ASMTL: variants seen among roughly 807,000 people sequenced by gnomAD.
ASMTL encodes acetylserotonin O-methyltransferase like.
In ASMTL, 57 loss-of-function variants were observed where a neutral mutation model predicts 60.3. The observed-to-expected ratio is 0.95, with a 90% CI of 0.76 to 1.18. ASMTL has a LOEUF of 1.18. ASMTL is among the 50% of genes most tolerant of loss of function. ASMTL has a pLI of 0.00. For missense variants in ASMTL, 981 were observed against 852.6 expected (o/e 1.15, Z -1.88); for synonymous variants, 419 against 373.0 (o/e 1.12, Z -1.42).
At chrX:1,413,069 G>A (rs5949007) in intron 11 of ASMTL, 11 of 585,218 alleles carry the variant, frequency 1.9e-5, no homozygotes, top group Non-Finnish European at 3.1e-5. Flanking sequence ...GGTTTGACTC[G>A]GGCTGAGAAA....
chrX:1,440,370 G>A (rs1263184769), intron 2 of ASMTL, among the ~76,000 whole-genome samples: 2 of 152,048 alleles, frequency 1.3e-5, no homozygotes, highest in South Asian at 2.1e-4. Context: ...GATGACAGGT[G>A]TGAGCCACTG....
At chrX:1,438,977 T>G (rs2091041910) in intron 3 of ASMTL, 120 bp downstream of exon 3, 1 of 1,128,222 alleles carries the variant, frequency 8.9e-7, no homozygotes, top group Non-Finnish European at 1.3e-6. Context: ...TGATGGGAGT[T>G]TCTGGAAGCG....
At position 1,421,733 on chromosome X, in the gene ASMTL, G is replaced by T. The variant is rs1385308996; in HGVS notation, c.1170C>A (p.Tyr390Ter). ...NNDLTWNLFT[Y>*]LEFAIREGTN... ...TTCCCTCTCGGATGGCAAACTCCAG[G>T]TATGTAAAGAGGTTCCATGTGAGGT... Residue 390 changes from tyrosine to a stop codon, truncating the protein, a stop_gained, in exon 9 of 13, where the codon TAC (tyrosine) becomes TAA (stop). Coordinates refer to ENST00000381317, the MANE Select transcript of ASMTL (RefSeq NM_004192.4). LOFTEE classifies it high-confidence loss of function. 2.5e-6 allele frequency: 4 copies of T among 1,613,814 alleles called. No homozygotes were observed. Among genetic ancestry groups the T allele is most frequent in the Non-Finnish European group, 3.4e-6 (4 of 1,179,856 alleles).
upstream of ASMTL, among the ~76,000 whole-genome samples, chrX:1,453,345 C>T (rs2091443275): frequency 6.6e-6 from 1 of 151,818 alleles, no homozygotes; most frequent in African/African-American, 2.4e-5. Flanking sequence ...ACACCCCCGC[C>T]CGCCTCCCCC....
At chrX:1,429,230 T>C (rs1282408494) in intron 6 of ASMTL, among the ~76,000 whole-genome samples, 4 of 151,964 alleles carry the variant, frequency 2.6e-5, no homozygotes, top group African/African-American at 9.6e-5. Context: ...ATTTTTTTTT[T>C]TCAAGACAGG....
chrX:1,403,555 G>C (rs2089675314), intron 12 of ASMTL, 66 bp from the exon 13 acceptor site: 1 of 1,462,376 alleles, frequency 6.8e-7, no homozygotes, highest in South Asian at 1.1e-5. Flanking sequence ...CAGGACACAG[G>C]GGACACAGCA....
chrX:1,445,300 G>A (rs769922752), intron 1 of ASMTL, among the ~76,000 whole-genome samples: 1 of 152,132 alleles, frequency 6.6e-6, no homozygotes, highest in East Asian at 1.9e-4. Flanking sequence ...AGACACTCTC[G>A]GCTTCCTTTT....
intron 11 of ASMTL, among the ~76,000 whole-genome samples, chrX:1,414,429 G>A (rs2090159189): frequency 6.6e-6 from 1 of 152,140 alleles, no homozygotes; most frequent in Non-Finnish European, 1.5e-5. Flanking sequence ...TTAAACTTTA[G>A]CATTTCCGGC....
chrX:1,407,595 G>A (rs1417512664), intron 12 of ASMTL, among the ~76,000 whole-genome samples: 2 of 152,006 alleles, frequency 1.3e-5, no homozygotes, highest in Non-Finnish European at 2.9e-5. Context: ...ACGGAGCATT[G>A]TTAGAAGGCC....
intron 11 of ASMTL, among the ~76,000 whole-genome samples, chrX:1,413,567 TAAA>T (rs1395793243): frequency 6.6e-6 from 1 of 152,144 alleles, no homozygotes; most frequent in Non-Finnish European, 1.5e-5. Flanking sequence ...ATTGCTGAAA[TAAA>T]AAGATGGTCT....
intron 10 of ASMTL, among the ~76,000 whole-genome samples, chrX:1,418,670 G>A (rs1221569398): frequency 6.6e-6 from 1 of 152,150 alleles, no homozygotes; most frequent in Non-Finnish European, 1.5e-5. Flanking sequence ...GTCCAGGGCT[G>A]GGGTGGGGTG....
intron 10 of ASMTL, 140 bp from the exon 11 acceptor site, chrX:1,418,256 A>T: frequency 1.1e-6 from 1 of 944,536 alleles, no homozygotes. Context: ...AGTGGTGGGG[A>T]GCTCGCTGGT....
chrX:1,426,166 C>T (rs1569533153), intron 7 of ASMTL, among the ~76,000 whole-genome samples: 2 of 152,074 alleles, frequency 1.3e-5, no homozygotes, highest in Admixed American at 1.3e-4. Flanking sequence ...GACAGCATCT[C>T]CAAGCCCAGG....
In ASMTL at chrX:1,421,870, C is replaced by T. The variant is rs757034825; in HGVS notation, c.1061-28G>A. ...GGAGAAATGGGGACAGTCGTGTGAC[C>T]TCCTAACGAGAAAACCCAAGGAAAC... On this transcript the variant is annotated intron_variant, in intron 8 of 12. Coordinates refer to ENST00000381317, the MANE Select transcript of ASMTL (RefSeq NM_004192.4). 13 of 1,610,652 alleles carry T rather than the reference C, an allele frequency of 8.1e-6. No individual in the cohort carries two copies. In the Admixed American group the frequency reaches 1.8e-4, roughly 23 times the overall value.
At chrX:1,444,014 C>T (rs2091180012) in intron 1 of ASMTL, among the ~76,000 whole-genome samples, 1 of 152,204 alleles carries the variant, frequency 6.6e-6, no homozygotes, top group Non-Finnish European at 1.5e-5. Flanking sequence ...AATCCAGCCC[C>T]CAAACATCAG....
chrX:1,411,276 T>G (rs1258786841), intron 12 of ASMTL, among the ~76,000 whole-genome samples: 1 of 152,154 alleles, frequency 6.6e-6, no homozygotes, highest in African/African-American at 2.4e-5. Context: ...CATTTGAGCC[T>G]ATGGGGAGTC....
At chrX:1,415,700 A>C (rs1414880423) in intron 11 of ASMTL, among the ~76,000 whole-genome samples, 2 of 152,104 alleles carry the variant, frequency 1.3e-5, no homozygotes, top group Non-Finnish European at 2.9e-5. Flanking sequence ...TCCTGACCAC[A>C]GGGGATCCGC....
At chrX:1,434,942 C>T (rs1171046921) in intron 5 of ASMTL, 80 bp downstream of exon 5, 5 of 1,523,980 alleles carry the variant, frequency 3.3e-6, no homozygotes, top group African/African-American at 2.7e-5. Flanking sequence ...CGTCCTCCTC[C>T]CTCAAGCCAA....
chrX:1,421,707 G>A lies in ASMTL; in HGVS notation c.1196C>T (p.Thr399Ile). 1 of 1,613,920 alleles carries A rather than the reference G, an allele frequency of 6.2e-7. No homozygotes were observed. The highest frequency in any genetic ancestry group is 8.5e-7 in the Non-Finnish European group (1 of 1,179,860). ...CCCCAACGCCCTGTGGTGCTGGTTTGTTCCCTCTCGGATGGCAAACTCCAG... is the reference window on the plus strand; with the variant it reads ...CCCCAACGCCCTGTGGTGCTGGTTTATTCCCTCTCGGATGGCAAACTCCAG... ...TYLEFAIREG[T>I]NQHHRALGKK... Residue 399 changes from threonine (T) to isoleucine (I), a missense_variant, in exon 9 of 13, where the codon ACA becomes ATA. Transcript: ENST00000381317.
Sources: allele counts gnomAD v4.1 joint callset (sites outside exome capture counted in the v4.1 genomes callset), GRCh38; gene constraint gnomAD v4.1.1; transcripts MANE v1.5; gene names NCBI Gene and HGNC (gene_info 2026-07-23, HGNC 2026-07-21).